Variants in CDC42BPA observed in about 807,000 individuals in gnomAD.
The protein encoded by CDC42BPA is serine/threonine-protein kinase MRCK alpha.
Under a neutral mutation model 223.5 loss-of-function variants are expected in CDC42BPA, and 80 were observed. The ratio of observed to expected loss-of-function variants is 0.36; its 90% CI spans 0.30 to 0.43. CDC42BPA has a LOEUF of 0.43. CDC42BPA is among the 20% of genes least tolerant of loss of function. CDC42BPA has a pLI of 1.00. For missense variants in CDC42BPA, 1,743 were observed against 2,099.9 expected (o/e 0.83, Z 3.32); for synonymous variants, 694 against 718.6 (o/e 0.97, Z 0.55).
At chr1:227,187,226 C>A (rs1378839972) in intron 5 of CDC42BPA, among the ~76,000 whole-genome samples, 1 of 152,020 alleles carries the variant, frequency 6.6e-6, no homozygotes, top group Non-Finnish European at 1.5e-5. Flanking sequence ...AACAATGTTG[C>A]AATTATCAGA....
At chr1:227,023,961 A>AG (rs1226764727) in intron 31 of CDC42BPA, among the ~76,000 whole-genome samples, 3 of 152,236 alleles carry the variant, frequency 2.0e-5, no homozygotes, top group Non-Finnish European at 4.4e-5. Context: ...CTTAAACAAG[A>AG]GAAAAAAGAC....
At position 227,317,131 on chromosome 1, in the gene CDC42BPA, G is replaced by C; in HGVS notation, c.52C>G (p.Pro18Ala). ...RQLEQFILDG[P>A]AQTNGQCFSV... ...AAGCACTGCCCATTGGTCTGAGCGG[G>C]CCCGTCCAAAATAAACTGCTCCAAC... Residue 18 changes from proline (P) to alanine (A), a missense_variant, in exon 1 of 37, where the codon CCC becomes GCC. By Grantham distance (27) the Pro-to-Ala change is conservative. Around this residue, in one of 6 missense-constraint regions of CDC42BPA, gnomAD observed 321 missense variants for 488.7 expected, o/e 0.66. Coordinates refer to ENST00000366766, the MANE Select transcript of CDC42BPA (RefSeq NM_001394014.1). The C allele has an allele frequency of 6.2e-7, 1 of 1,614,020 alleles. No individual in the cohort carries two copies. Among genetic ancestry groups the C allele is most frequent in the Non-Finnish European group, 8.5e-7 (1 of 1,179,980 alleles).
intron 32 of CDC42BPA, among the ~76,000 whole-genome samples, chr1:227,019,052 G>C (rs1666870449): frequency 6.6e-6 from 1 of 152,148 alleles, no homozygotes; most frequent in African/African-American, 2.4e-5. Context: ...TTTCACAAAA[G>C]ATGGTTCTCC....
chr1:227,184,523 G>A (rs960835346), intron 5 of CDC42BPA, among the ~76,000 whole-genome samples: 1 of 152,064 alleles, frequency 6.6e-6, no homozygotes, highest in Non-Finnish European at 1.5e-5. Flanking sequence ...AATGATCTGT[G>A]TGTTTATTAC....
intron 1 of CDC42BPA, among the ~76,000 whole-genome samples, chr1:227,302,758 T>C (rs915230815): frequency 6.6e-6 from 1 of 152,156 alleles, no homozygotes; most frequent in Non-Finnish European, 1.5e-5. Context: ...CAGATTATTA[T>C]TCAGGCCTCC....
intron 6 of CDC42BPA, among the ~76,000 whole-genome samples, chr1:227,156,896 C>T (rs141517572): frequency 1.6e-4 from 25 of 152,254 alleles, no homozygotes; most frequent in African/African-American, 6.0e-4. Context: ...ATGCTAAAGC[C>T]TCCCTGATTT....
intron 1 of CDC42BPA, among the ~76,000 whole-genome samples, chr1:227,289,147 A>G (rs1689287004): frequency 6.6e-6 from 1 of 152,170 alleles, no homozygotes; most frequent in Non-Finnish European, 1.5e-5. Flanking sequence ...TTTTATTCAC[A>G]TGACAACCAC....
intron 4 of CDC42BPA, among the ~76,000 whole-genome samples, chr1:227,198,430 C>T (rs1671106138): frequency 3.9e-5 from 1 of 25,522 alleles, no homozygotes; most frequent in Admixed American, 3.7e-4. Flanking sequence ...AGAGCAAGAT[C>T]CAGCAAACAA....
At chr1:227,255,782 A>G (rs1054023820) in intron 1 of CDC42BPA, among the ~76,000 whole-genome samples, 2 of 152,222 alleles carry the variant, frequency 1.3e-5, no homozygotes, top group African/African-American at 4.8e-5. Flanking sequence ...ACTACAGAAT[A>G]TTGCTGATAA....
At chr1:227,209,782 C>T (rs1204412468) in intron 3 of CDC42BPA, among the ~76,000 whole-genome samples, 2 of 149,828 alleles carry the variant, frequency 1.3e-5, no homozygotes, top group Non-Finnish European at 3.0e-5. Context: ...AGGATTTTTG[C>T]ATCAATGTTC....
At chr1:227,081,440 C>T (rs1231375649) in intron 16 of CDC42BPA, among the ~76,000 whole-genome samples, 1 of 148,918 alleles carries the variant, frequency 6.7e-6, no homozygotes, top group Non-Finnish European at 1.5e-5. Context: ...TTCACTTGTA[C>T]GCCTGTTCTC....
chr1:227,094,244 G>A (rs1412823799), intron 15 of CDC42BPA, among the ~76,000 whole-genome samples: 1 of 152,066 alleles, frequency 6.6e-6, no homozygotes, highest in African/African-American at 2.4e-5. Context: ...GCCCAGAGAG[G>A]TATTTAAAAT....
chr1:227,166,452 A>C (rs1665051233), intron 5 of CDC42BPA, among the ~76,000 whole-genome samples: 1 of 152,236 alleles, frequency 6.6e-6, no homozygotes, highest in Non-Finnish European at 1.5e-5. Context: ...TGAATATTTC[A>C]CTAAATTACC....
At chr1:227,060,716 A>AGTTTTTTTTTTTTT (rs1373925166) in intron 21 of CDC42BPA, among the ~76,000 whole-genome samples, 1 of 126,526 alleles carries the variant, frequency 7.9e-6, no homozygotes, top group Non-Finnish European at 1.6e-5. Context: ...GTAAATAGGT[A>AGTTTTTTTTTTTTT]CTTTTTTTTT....
chr1:227,108,830 A>T lies in CDC42BPA; in HGVS notation c.2001+3482T>A, dbSNP rs115337938. On this transcript the variant is annotated intron_variant, in intron 14 of 36. Coordinates refer to ENST00000366766, the MANE Select transcript of CDC42BPA (RefSeq NM_001394014.1). ...TAGGTGATTTTGTCCTTGTGTGAACATAAGTTGTACTTCCACAAACCTAGA... is the reference window on the plus strand; with the variant it reads ...TAGGTGATTTTGTCCTTGTGTGAACTTAAGTTGTACTTCCACAAACCTAGA... Among the ~76,000 whole-genome samples, 4 of 152,242 alleles carry T rather than the reference A, an allele frequency of 2.6e-5. No homozygotes were observed. The South Asian group carries it at 8.3e-4, about 32-fold the overall frequency.
chr1:227,060,510 T>A (rs1385660294), intron 21 of CDC42BPA, among the ~76,000 whole-genome samples: 1 of 152,058 alleles, frequency 6.6e-6, no homozygotes, highest in African/African-American at 2.4e-5. Flanking sequence ...TGACAAATGC[T>A]ATCACTGAGA....
chr1:227,235,161 G>A (rs12035190), intron 2 of CDC42BPA: 25,900 of 152,116 alleles, frequency 0.17, 2,254 homozygotes, highest in Middle Eastern at 0.21. Context: ...CCAAAGAAAT[G>A]AGGAGAACCT....
rs1929860 is a variant in CDC42BPA at position 227,029,074 on chromosome 1, C to A, written c.4015G>T (p.Val1339Leu). The A allele has an allele frequency of 2.4e-5, 38 of 1,613,682 alleles. 1 individual carries two copies. In the East Asian group the frequency reaches 8.0e-4, roughly 34 times the overall value. Residue 1339 changes from valine (V) to leucine (L), a missense_variant, in exon 30 of 37, where the codon GTA (valine) becomes TTA (leucine). By Grantham distance (32) the Val-to-Leu change is conservative. This residue lies in a region of CDC42BPA where 678 missense variants were observed against 777.5 expected (regional missense o/e 0.87). Transcript: ENST00000366766. Reference protein sequence around the residue: ...KLSETKGCQTVTSGKVRHGAL... With the variant: ...KLSETKGCQTLTSGKVRHGAL... The stretch of plus-strand genomic sequence containing the variant: ...CCATGGCGCACCTTTCCAGAAGTTA[C>A]GGTTTGACACCCTTTAGTTTCTGAC...
chr1:227,253,489 G>C (rs937546072), intron 2 of CDC42BPA, among the ~76,000 whole-genome samples: 8 of 152,060 alleles, frequency 5.3e-5, no homozygotes, highest in Non-Finnish European at 1.2e-4. Flanking sequence ...CCAGCTACTC[G>C]GGAGGCTGAA....
Sources: gnomAD v4.1 joint callset for allele counts (sites outside exome capture counted in the v4.1 genomes callset) on GRCh38, gnomAD v4.1.1 for gene constraint, gnomAD v4.1.1 regional missense constraint, MANE v1.5 for transcripts, NCBI Gene and HGNC (gene_info 2026-07-23, HGNC 2026-07-21) for gene names.